Variants in TCF4 observed in about 807,000 individuals in gnomAD.
TCF4 encodes the protein transcription factor 4.
In TCF4, 3 loss-of-function variants were observed where a neutral mutation model predicts 82.1. The ratio of observed to expected loss-of-function variants is 0.04; its 90% CI spans 0.02 to 0.09. TCF4 has a LOEUF of 0.09. Among genes scored for constraint, TCF4 ranks in the 10% least tolerant of loss-of-function variants. TCF4 has a pLI of 1.00. For synonymous variants in TCF4, 276 were observed against 309.6 expected (o/e 0.89, Z 1.14); for missense variants, 518 against 852.7 (o/e 0.61, Z 4.89).
chr18:55,290,021 C>T (rs2064681572), intron 8 of TCF4, among the ~76,000 whole-genome samples: 1 of 152,152 alleles, frequency 6.6e-6, no homozygotes, highest in Admixed American at 6.5e-5. Context: ...ACACGTCAAA[C>T]TAAGAATAAC....
At chr18:55,460,926 TA>T in intron 5 of TCF4, 92 bp downstream of exon 5, 1 of 1,131,392 alleles carries the variant, frequency 8.8e-7, no homozygotes, top group South Asian at 1.3e-5. Flanking sequence ...TCCAAGTTTC[TA>T]AAAGCAGAAC....
At chr18:55,385,007 C>T (rs1452450347) in intron 6 of TCF4, among the ~76,000 whole-genome samples, 4 of 152,144 alleles carry the variant, frequency 2.6e-5, no homozygotes, top group Non-Finnish European at 5.9e-5. Context: ...CAAAAAACAA[C>T]CTCTCTTTCC....
intron 6 of TCF4, among the ~76,000 whole-genome samples, chr18:55,391,759 C>A (rs1033771927): frequency 6.6e-6 from 1 of 151,134 alleles, no homozygotes; most frequent in African/African-American, 2.4e-5. Flanking sequence ...ATGGTGAAAC[C>A]CTGTCTCTAC....
In TCF4 at chr18:55,254,434, T is replaced by C. The variant is rs911252318; in HGVS notation, c.1350+63A>G. On this transcript the variant is annotated intron_variant, in intron 15 of 19. Coordinates refer to ENST00000354452, the MANE Select transcript of TCF4 (RefSeq NM_001083962.2). ...ATTTTTTAAAAAACAGCAACAATAG[T>C]ATCTATATCTGAAATTCTAACTCTA... 8 of 1,493,612 alleles carry C rather than the reference T, an allele frequency of 5.4e-6. No individual in the cohort carries two copies. In the African/African-American group the frequency reaches 9.7e-5, roughly 18 times the overall value. The allele number at this position is 1,493,612 out of a possible 1,614,324, so 92.5% of individuals were successfully genotyped here.
chr18:55,330,970 T>A (rs2077470478), intron 8 of TCF4, among the ~76,000 whole-genome samples: 1 of 152,208 alleles, frequency 6.6e-6, no homozygotes, highest in African/African-American at 2.4e-5. Flanking sequence ...TGTGACCATA[T>A]AACCTTTGTT....
intron 3 of TCF4, among the ~76,000 whole-genome samples, chr18:55,501,590 T>C (rs1455954275): frequency 6.6e-6 from 1 of 152,170 alleles, no homozygotes; most frequent in African/African-American, 2.4e-5. Context: ...AAGGACAGGT[T>C]GGGTTTTAAA....
rs74182104 is a variant in TCF4, at chr18:55,514,405, GCACACACA to G, written c.146-50276_146-50269del. ...TGAGCATACACACACATCTATCCAT[GCACACACA>G]CACACACACACACACACACACACAC... On this transcript the variant is annotated intron_variant, in intron 3 of 19. Coordinates refer to ENST00000354452, the MANE Select transcript of TCF4 (RefSeq NM_001083962.2). Among the ~76,000 whole-genome samples, 949 of 130,268 alleles carry G rather than the reference GCACACACA, an allele frequency of 7.3e-3. 10 individuals carry two copies. Among genetic ancestry groups the G allele is most frequent in the African/African-American group, 0.022 (814 of 36,708 alleles). The allele number at this position is 130,268 out of a possible 152,430, so 85.5% of individuals were successfully genotyped here.
intron 3 of TCF4, among the ~76,000 whole-genome samples, chr18:55,579,464 A>C (rs1029374278): frequency 3.9e-5 from 6 of 151,960 alleles, no homozygotes; most frequent in African/African-American, 9.7e-5. Flanking sequence ...CAAAAAAAAA[A>C]ATAATAAAGA....
intron 8 of TCF4, among the ~76,000 whole-genome samples, chr18:55,327,295 T>C (rs1602797983): frequency 6.6e-6 from 1 of 152,150 alleles, no homozygotes; most frequent in Middle Eastern, 3.4e-3. Context: ...TAAATCCATA[T>C]TACACCAAGA....
intron 3 of TCF4, among the ~76,000 whole-genome samples, chr18:55,580,164 T>G (rs2097562864): frequency 6.6e-6 from 1 of 152,038 alleles, no homozygotes; most frequent in Admixed American, 6.6e-5. Flanking sequence ...AATAGAGTAC[T>G]GCTTCTGCCT....
At chr18:55,464,217 C>G in intron 3 of TCF4, 80 bp from the exon 4 acceptor site, 1 of 1,228,382 alleles carries the variant, frequency 8.1e-7, no homozygotes, top group Non-Finnish European at 1.2e-6. Context: ...ATTAATGTTT[C>G]AAATTAATCT....
intron 5 of TCF4, among the ~76,000 whole-genome samples, chr18:55,447,357 T>C (rs927696147): frequency 6.6e-6 from 1 of 152,038 alleles, no homozygotes; most frequent in South Asian, 2.1e-4. Flanking sequence ...ATCCCTGATA[T>C]GTATGCAACA....
chr18:55,521,308 A>G (rs2096931262), intron 3 of TCF4, among the ~76,000 whole-genome samples: 1 of 152,218 alleles, frequency 6.6e-6, no homozygotes. Context: ...TTAACTCATT[A>G]CCTTAAAAGC....
chr18:55,383,420 A>C (rs1348295978), intron 6 of TCF4, among the ~76,000 whole-genome samples: 1 of 152,198 alleles, frequency 6.6e-6, no homozygotes, highest in South Asian at 2.1e-4. Context: ...CTAGGATACC[A>C]CTAAATCACT....
chr18:55,414,605 T>A (rs1311331487), intron 5 of TCF4, among the ~76,000 whole-genome samples: 1 of 152,184 alleles, frequency 6.6e-6, no homozygotes, highest in Non-Finnish European at 1.5e-5. Context: ...AAATTGTTGC[T>A]ATTTTTAAAA....
In TCF4 at chr18:55,269,835, T is replaced by C. The variant is rs757428248; in HGVS notation, c.918A>G (p.Ile306Met). ...ATTGGCATTTCTGTGACTCACCCAT[T>C]ATACTGTCTGTCCCGTTGGCAGGAG... Reference protein sequence around the residue: ...CTPPANGTDSIMANRGSGAAG... With the variant: ...CTPPANGTDSMMANRGSGAAG... The change falls in exon 11 of 20, where the codon ATA (isoleucine) becomes ATG (methionine). Residue 306 changes from isoleucine to methionine, a missense_variant. Transcript: ENST00000354452. 3.7e-6 allele frequency: 6 copies of C among 1,612,984 alleles called. No homozygotes were observed.
chr18:55,601,477 AAAAAGG>A (rs1055005703), intron 2 of TCF4, among the ~76,000 whole-genome samples: 4 of 151,944 alleles, frequency 2.6e-5, no homozygotes, highest in Non-Finnish European at 5.9e-5. Flanking sequence ...AAAAAAAAAA[AAAAAGG>A]AAAGGAAAGT....
chr18:55,261,568 CAGTGAGACGTCT>C lies in TCF4; in HGVS notation c.923-47_923-36del, dbSNP rs745593848. ...CAAAAGGCAGAATATGAAAACCAGG[CAGTGAGACGTCT>C]AACAATTTTCTATTCCTGGTCCATT... On this transcript the variant is annotated intron_variant, in intron 11 of 19. Transcript: ENST00000354452. 3.1e-6 allele frequency: 5 copies of C among 1,612,098 alleles called. No homozygotes were observed. In the East Asian group the frequency reaches 8.9e-5, roughly 29 times the overall value.
chr18:55,584,936 A>AT (rs928905599), intron 3 of TCF4, among the ~76,000 whole-genome samples: 7 of 152,072 alleles, frequency 4.6e-5, no homozygotes, highest in African/African-American at 1.7e-4. Flanking sequence ...AATGTTAGAG[A>AT]TTTTTTCCCC....
Sources: allele counts gnomAD v4.1 joint callset (sites outside exome capture counted in the v4.1 genomes callset), GRCh38; gene constraint gnomAD v4.1.1; transcripts MANE v1.5; gene names NCBI Gene and HGNC (gene_info 2026-07-23, HGNC 2026-07-21).